Variants in ZFYVE27 observed in about 807,000 individuals in gnomAD.
The protein encoded by ZFYVE27 is zinc finger FYVE-type containing 27.
ZFYVE27 carries 36 observed loss-of-function variants against 52.8 expected under a neutral mutation model. The ratio of observed to expected loss-of-function variants is 0.68; its 90% confidence interval spans 0.52 to 0.90. The LOEUF is 0.90. Among genes scored for constraint, ZFYVE27 ranks in the 40% least tolerant of loss-of-function variants. The pLI, the probability that ZFYVE27 is intolerant of heterozygous loss-of-function variation, is 0.00. For synonymous variants in ZFYVE27, 223 were observed against 215.6 expected, an observed-to-expected ratio of 1.03 and a Z score of -0.30; for missense variants, 450 against 527.2, an observed-to-expected ratio of 0.85 and a Z score of 1.43.
rs1458451162 is a variant in ZFYVE27 at position 97,751,393 on chromosome 10, C to T, written c.807C>T (p.Asp269=). ...TGTCATAGAGTCTCTCTTCCCAGGACCTCACACCGGGCAGCGTGGAGGAGG... is the reference window on the plus strand; with the variant it reads ...TGTCATAGAGTCTCTCTTCCCAGGATCTCACACCGGGCAGCGTGGAGGAGG... ...DSTPALTPTE[D]LTPGSVEEAE... is the part of the protein sequence containing the mutation. Residue 269 remains aspartate (D), a splice_region_variant and synonymous_variant, in exon 8 of 13, where the codon GAC becomes GAT. Transcript: ENST00000684270. 1.2e-6 allele frequency: 2 copies of T among 1,613,854 alleles called. No individual in the cohort carries two copies. The highest frequency in any genetic ancestry group is 2.2e-5 in the East Asian group (1 of 44,852).
At chr10:97,742,997 T>G (rs2044157003) in intron 2 of ZFYVE27, 97 bp from the exon 3 acceptor site, 1 of 1,320,796 alleles carries the variant, frequency 7.6e-7, no homozygotes, top group Non-Finnish European at 1.1e-6. Context: ...GTTCCAGGCC[T>G]CCTCTTCTGG....
At chr10:97,758,510 C>T (rs763669571) in intron 12 of ZFYVE27, among the ~76,000 whole-genome samples, 9 of 151,870 alleles carry the variant, frequency 5.9e-5, no homozygotes, top group Non-Finnish European at 1.2e-4. Flanking sequence ...TTAGTAGAGA[C>T]GGGGTTTCTC....
At chr10:97,757,841 C>T (rs1474802450) in intron 12 of ZFYVE27, 118 bp downstream of exon 12, 13 of 991,610 alleles carry the variant, frequency 1.3e-5, no homozygotes, top group South Asian at 4.2e-5. Flanking sequence ...GTCAGGCCTA[C>T]GGGAACGTTT....
chr10:97,747,456 G>A (rs2045755885), intron 4 of ZFYVE27, among the ~76,000 whole-genome samples: 1 of 152,184 alleles, frequency 6.6e-6, no homozygotes, highest in Non-Finnish European at 1.5e-5. Flanking sequence ...TATGATGGTT[G>A]CAAAGATGAT....
chr10:97,746,046 TATA>T (rs1273937651), intron 4 of ZFYVE27, among the ~76,000 whole-genome samples: 8,606 of 69,892 alleles, frequency 0.12, 349 homozygotes, highest in Non-Finnish European at 0.17. Flanking sequence ...TATATATATA[TATA>T]TATTTTTTTT....
chr10:97,749,661 T>C, intron 6 of ZFYVE27, 75 bp downstream of exon 6: 1 of 1,174,358 alleles, frequency 8.5e-7, no homozygotes, highest in Non-Finnish European at 1.3e-6. Flanking sequence ...AGTTCTTCTG[T>C]CTCTACAGCT....
chr10:97,751,260 C>A (rs1191832205), intron 7 of ZFYVE27, 131 bp from the exon 8 acceptor site: 1 of 1,021,930 alleles, frequency 9.8e-7, no homozygotes, highest in African/African-American at 1.6e-5. Context: ...CCTGTGAGTT[C>A]CTTCTTTCTT....
chr10:97,759,164 T>C, intron 12 of ZFYVE27, 72 bp from the exon 13 acceptor site: 1 of 1,549,734 alleles, frequency 6.5e-7, no homozygotes, highest in African/African-American at 1.4e-5. Flanking sequence ...TTTGGGAGGG[T>C]GCTTCTAGTA....
chr10:97,744,945 G>T, intron 4 of ZFYVE27, 30 bp downstream of exon 4: 1 of 1,546,126 alleles, frequency 6.5e-7, no homozygotes, highest in South Asian at 1.2e-5. Flanking sequence ...CAGGGAGGTG[G>T]GGGAACAGTA....
At chr10:97,757,811 C>T in intron 12 of ZFYVE27, 88 bp downstream of exon 12, 1 of 1,372,502 alleles carries the variant, frequency 7.3e-7, no homozygotes, top group Non-Finnish European at 1.0e-6. Flanking sequence ...TGTCAGAGGT[C>T]AAGGGAACTT....
intron 1 of ZFYVE27, 108 bp downstream of exon 1, chr10:97,737,429 A>T (rs2042377696): frequency 6.6e-6 from 1 of 152,534 alleles, no homozygotes; most frequent in Non-Finnish European, 1.5e-5. Context: ...GACCTCGGGC[A>T]TGGCCTTCCC....
At chr10:97,748,119 C>T (rs2045957751) in intron 4 of ZFYVE27, 150 bp from the exon 5 acceptor site, 4 of 776,834 alleles carry the variant, frequency 5.1e-6, no homozygotes, top group Admixed American at 2.0e-5. Flanking sequence ...GCCTGTTTCT[C>T]CCATGCTCTC....
At position 97,744,128 on chromosome 10, in the gene ZFYVE27, A is replaced by G. The variant is rs139554152; in HGVS notation, c.269-601A>G. 2.4e-3 allele frequency among the ~76,000 whole-genome samples: 367 copies of G among 152,258 alleles called. 2 individuals carry two copies. The highest frequency in any genetic ancestry group is 8.3e-3 in the African/African-American group (345 of 41,560). Reference sequence around the variant, plus strand: ...CCTAGGATGTTTGATTTTTCTATATATGCTCCCAAAGTAAGTCAGTTCCTA... The same window carrying G: ...CCTAGGATGTTTGATTTTTCTATATGTGCTCCCAAAGTAAGTCAGTTCCTA... On this transcript the variant is annotated intron_variant, in intron 3 of 12. Coordinates refer to ENST00000684270, the MANE Select transcript of ZFYVE27 (RefSeq NM_001385875.1).
chr10:97,739,598 T>C (rs2043052477), intron 2 of ZFYVE27, among the ~76,000 whole-genome samples: 2 of 152,222 alleles, frequency 1.3e-5, no homozygotes, highest in Non-Finnish European at 2.9e-5. Flanking sequence ...AATTAATAAC[T>C]CCTTGATATC....
At chr10:97,757,040 A>G (rs1564837216) in intron 10 of ZFYVE27, among the ~76,000 whole-genome samples, 1 of 152,016 alleles carries the variant, frequency 6.6e-6, no homozygotes, top group South Asian at 2.1e-4. Flanking sequence ...GGGTTCAGGG[A>G]CTGGTAGCTA....
At chr10:97,753,244 T>G in intron 10 of ZFYVE27, 62 bp downstream of exon 10, 1 of 1,565,244 alleles carries the variant, frequency 6.4e-7, no homozygotes, top group Non-Finnish European at 8.7e-7. Flanking sequence ...GGGACTCTAG[T>G]GGGGAACACC....
intron 5 of ZFYVE27, 102 bp downstream of exon 5, chr10:97,748,466 G>GA: frequency 8.5e-7 from 1 of 1,179,488 alleles, no homozygotes; most frequent in Non-Finnish European, 1.2e-6. Context: ...TCTTACCTCA[G>GA]GGGAAGAGCT....
intron 2 of ZFYVE27, among the ~76,000 whole-genome samples, chr10:97,741,793 T>G (rs1437221742): frequency 6.6e-6 from 1 of 152,168 alleles, no homozygotes; most frequent in Non-Finnish European, 1.5e-5. Context: ...CTGCATGAAT[T>G]AGTTAACCTC....
chr10:97,753,713 T>G (rs1023171642), intron 10 of ZFYVE27, among the ~76,000 whole-genome samples: 14 of 152,102 alleles, frequency 9.2e-5, no homozygotes, highest in Non-Finnish European at 1.5e-4. Flanking sequence ...ACAGTGCTGG[T>G]TGGTTCATAG....
Sources: allele counts gnomAD v4.1 joint callset (sites outside exome capture counted in the v4.1 genomes callset), GRCh38; gene constraint gnomAD v4.1.1; transcripts MANE v1.5; gene names NCBI Gene and HGNC (gene_info 2026-07-23, HGNC 2026-07-21).